Variants in NIPAL3 observed in about 807,000 individuals in gnomAD.
The protein encoded by NIPAL3 is NIPA-like protein 3.
A neutral mutation model predicts 47.2 loss-of-function variants in NIPAL3; 41 were observed. The ratio of observed to expected loss-of-function variants is 0.87; its 90% CI spans 0.68 to 1.13. The LOEUF (loss-of-function observed/expected upper bound fraction) is 1.13, where lower values mean the gene tolerates loss of function less well. NIPAL3 is among the 50% of genes most tolerant of loss of function. The pLI is 0.00. For synonymous variants in NIPAL3, 194 were observed against 209.6 expected, an observed-to-expected ratio of 0.93 and a Z score of 0.64; for missense variants, 449 against 530.1, an observed-to-expected ratio of 0.85 and a Z score of 1.50.
intron 4 of NIPAL3, 59 bp from the exon 5 acceptor site, chr1:24,445,126 G>A: frequency 8.2e-7 from 1 of 1,214,176 alleles, no homozygotes; most frequent in Non-Finnish European, 1.2e-6. Context: ...CATGGGTGAA[G>A]GGATGCCCTT....
At chr1:24,430,812 G>C (rs1644844840) in intron 2 of NIPAL3, among the ~76,000 whole-genome samples, 2 of 152,080 alleles carry the variant, frequency 1.3e-5, no homozygotes, top group Non-Finnish European at 2.9e-5. Context: ...ATCTAGAAAG[G>C]GTCAGGGAAA....
chr1:24,457,702 C>T (rs1646282734), intron 8 of NIPAL3: 1 of 529,214 alleles, frequency 1.9e-6, no homozygotes, highest in South Asian at 1.4e-5. Context: ...AGCCCATGCC[C>T]TCACTGCTCT....
rs749131065 is a variant in NIPAL3 at position 24,419,638 on chromosome 1, A to G, written c.91A>G (p.Lys31Glu). ...SAVSEASFSY[K>E]ENLIGALLAI... Reference sequence around the variant, plus strand: ...CGTAAGCGAGGCCTCCTTCTCCTACAAGGCAAGGGCTTTTTTGGGGTTTGG... The same window carrying G: ...CGTAAGCGAGGCCTCCTTCTCCTACGAGGCAAGGGCTTTTTTGGGGTTTGG... Residue 31 changes from lysine (K) to glutamate (E), a missense_variant and splice_region_variant, in exon 2 of 12, where the codon AAG becomes GAG. Physicochemically the swap from Lys to Glu is moderately conservative, Grantham distance 56. Transcript: ENST00000374399. 6.2e-7 allele frequency: 1 copy of G among 1,613,540 alleles called. No homozygotes were observed. Among genetic ancestry groups the G allele is most frequent in the Non-Finnish European group, 8.5e-7 (1 of 1,179,634 alleles).
At chr1:24,459,652 C>T (rs1220834989) in intron 9 of NIPAL3, among the ~76,000 whole-genome samples, 1 of 152,206 alleles carries the variant, frequency 6.6e-6, no homozygotes, top group African/African-American at 2.4e-5. Context: ...CAAGTGGTGC[C>T]GCAGTTCCTG....
intron 8 of NIPAL3, among the ~76,000 whole-genome samples, chr1:24,456,981 T>C (rs567600348): frequency 1.3e-5 from 2 of 152,284 alleles, no homozygotes; most frequent in South Asian, 4.1e-4. Flanking sequence ...CAGGCTGGTC[T>C]CAAACTCCTA....
At position 24,431,369 on chromosome 1, in the gene NIPAL3, G is replaced by A. The variant is rs114334903; in HGVS notation, c.94-8803G>A. 3.2e-3 allele frequency among the ~76,000 whole-genome samples: 494 copies of A among 152,222 alleles called. 3 individuals carry two copies. The highest frequency in any genetic ancestry group is 0.011 in the African/African-American group (475 of 41,536). On this transcript the variant is annotated intron_variant, in intron 2 of 11. Transcript: ENST00000374399. ...GCCGTGAAAGGTGAAATGAGAAAGC[G>A]GAACATACGAAAAGCTGGCAAAGAA...
In NIPAL3 at chr1:24,434,553, T is replaced by C. The variant is rs562969625; in HGVS notation, c.94-5619T>C. Among the ~76,000 whole-genome samples, 243 of 152,252 alleles carry C rather than the reference T, an allele frequency of 1.6e-3. 1 individual carries two copies. Among genetic ancestry groups the C allele is most frequent in the African/African-American group, 4.9e-3 (205 of 41,542 alleles). On this transcript the variant is annotated intron_variant, in intron 2 of 11. Coordinates refer to ENST00000374399, the MANE Select transcript of NIPAL3 (RefSeq NM_020448.5). The stretch of plus-strand genomic sequence containing the variant: ...AACAATTAGAAGATCAGCAAGGAAA[T>C]AGAAGACTTGAACAACACTGTAAAG...
At chr1:24,447,555 T>A (rs1557516618) in intron 5 of NIPAL3, among the ~76,000 whole-genome samples, 1 of 145,554 alleles carries the variant, frequency 6.9e-6, no homozygotes, top group Non-Finnish European at 1.5e-5. Flanking sequence ...AATTTTACTC[T>A]AAAAAAAAAA....
At chr1:24,453,615 T>G (rs1289384195) in intron 7 of NIPAL3, 111 bp downstream of exon 7, 1 of 833,022 alleles carries the variant, frequency 1.2e-6, no homozygotes, top group African/African-American at 1.7e-5. Context: ...TGCTTGAGAC[T>G]GGCTGAGGTT....
In NIPAL3 at chr1:24,471,642, G is replaced by C. The variant is rs1004282951; in HGVS notation, c.*2457G>C. On this transcript the variant is annotated 3_prime_UTR_variant, in exon 12 of 12. Transcript: ENST00000374399. ...AATCATGGAGGGTCTTGAATACCTGGCTAAGGAGTTTAAAGTGTATCCAAG... is the reference window on the plus strand; with the variant it reads ...AATCATGGAGGGTCTTGAATACCTGCCTAAGGAGTTTAAAGTGTATCCAAG... The C allele has an allele frequency of 6.6e-6, 1 of 151,536 alleles. No homozygotes were observed. The highest frequency in any genetic ancestry group is 1.5e-5 in the Non-Finnish European group (1 of 68,060). The allele number at this position is 151,536 out of a possible 1,614,324, so 9.4% of individuals were successfully genotyped here. A position where few individuals can be genotyped will look rare whatever the true frequency, so the allele number is the denominator to read the frequency against.
Position 24,442,066 on chromosome 1 carries a change from C to T in NIPAL3, c.174C>T (p.His58=), listed in dbSNP as rs1228335932. 2 of 1,613,728 alleles carry T rather than the reference C, an allele frequency of 1.2e-6. No homozygotes were observed. Among genetic ancestry groups the T allele is most frequent in the Non-Finnish European group, 1.7e-6 (2 of 1,179,830 alleles). ...SIALNLQKYC[H]IRLAGSKDPR... ...TCTCGGGTTTCTAGAAGTACTGCCA[C>T]ATCCGCCTGGCAGGCTCCAAGGATC... is the stretch of plus-strand genomic sequence containing the variant. Residue 58 remains histidine (H), a synonymous_variant, in exon 4 of 12, where the codon CAC becomes CAT. Transcript: ENST00000374399.
chr1:24,439,598 A>G (rs1456500947), intron 2 of NIPAL3, among the ~76,000 whole-genome samples: 1 of 152,034 alleles, frequency 6.6e-6, no homozygotes, highest in Non-Finnish European at 1.5e-5. Flanking sequence ...TTTTATCTAT[A>G]TATATTTCCT....
At chr1:24,415,691 C>G (rs535828978), upstream of NIPAL3, 86 of 233,450 alleles carry the variant, frequency 3.7e-4, no homozygotes, top group South Asian at 6.2e-3. Flanking sequence ...ACTCCCCGTC[C>G]TCGCAGCCAC....
At chr1:24,452,335 G>A (rs872870) in intron 6 of NIPAL3, among the ~76,000 whole-genome samples, 27,851 of 152,178 alleles carry the variant, frequency 0.18, 2,961 homozygotes, top group East Asian at 0.28. Flanking sequence ...CATGGGCCTG[G>A]GAGCCAGACT....
intron 8 of NIPAL3, among the ~76,000 whole-genome samples, chr1:24,456,864 G>A (rs899983076): frequency 2.6e-5 from 4 of 152,260 alleles, no homozygotes; most frequent in African/African-American, 9.6e-5. Context: ...TGGGGTTCAA[G>A]CGATTCTCCT....
Position 24,449,452 on chromosome 1 carries a change from G to A in NIPAL3, c.395-29G>A. ...TGTATCTTGGGCCTGTTGTTGCAATGAGTCCGTGACAGCCTCTCTTCCCCG... is the reference window on the plus strand; with the variant it reads ...TGTATCTTGGGCCTGTTGTTGCAATAAGTCCGTGACAGCCTCTCTTCCCCG... On this transcript the variant is annotated intron_variant, in intron 5 of 11. Coordinates refer to ENST00000374399, the MANE Select transcript of NIPAL3 (RefSeq NM_020448.5). This position sits in a 1 kb window ranked among gnomAD's most constrained non-coding sequence, Gnocchi z 4.5. 1.2e-6 allele frequency: 2 copies of A among 1,610,758 alleles called. No individual in the cohort carries two copies. Among genetic ancestry groups the A allele is most frequent in the Non-Finnish European group, 1.7e-6 (2 of 1,178,800 alleles).
At chr1:24,418,360 G>C (rs112228190) in intron 1 of NIPAL3, among the ~76,000 whole-genome samples, 92 of 152,326 alleles carry the variant, frequency 6.0e-4, no homozygotes, top group African/African-American at 2.2e-3. Context: ...ATTTTGAGAA[G>C]TGGCACACAC....
At chr1:24,467,922 T>C (rs1171631944) in intron 11 of NIPAL3, among the ~76,000 whole-genome samples, 1 of 152,210 alleles carries the variant, frequency 6.6e-6, no homozygotes, top group African/African-American at 2.4e-5. Flanking sequence ...TCAGCTGTTA[T>C]TATCATCATA....
chr1:24,429,191 C>T (rs1156323672), intron 2 of NIPAL3, among the ~76,000 whole-genome samples: 2 of 152,094 alleles, frequency 1.3e-5, no homozygotes, highest in African/African-American at 2.4e-5. Flanking sequence ...GGGCAGATCA[C>T]CTGAGGTCAG....
Sources: gnomAD v4.1 joint callset for allele counts (sites outside exome capture counted in the v4.1 genomes callset) on GRCh38, gnomAD v4.1.1 for gene constraint, Gnocchi (gnomAD v3.1) non-coding constraint, MANE v1.5 for transcripts, NCBI Gene and HGNC (gene_info 2026-07-23, HGNC 2026-07-21) for gene names.